ARHGEF6: variants seen among roughly 807,000 people sequenced by gnomAD.
ARHGEF6 encodes the protein Rac/Cdc42 guanine nucleotide exchange factor 6, also known as rho guanine nucleotide exchange factor 6.
Under a neutral mutation model 70.3 loss-of-function variants are expected in ARHGEF6, and 9 were observed. The ratio of observed to expected loss-of-function variants is 0.13; its 90% confidence interval spans 0.08 to 0.22. The LOEUF is 0.22. Among genes scored for constraint, ARHGEF6 ranks in the 10% least tolerant of loss-of-function variants. The probability of loss-of-function intolerance (pLI) is 1.00; values close to 1 mark genes in which losing one functional copy is unlikely to be tolerated. For synonymous variants in ARHGEF6, 201 were observed against 207.8 expected, an observed-to-expected ratio of 0.97 and a Z score of 0.28; for missense variants, 470 against 563.0, an observed-to-expected ratio of 0.83 and a Z score of 1.67.
At chrX:136,671,665 C>T (rs916342243) in intron 20 of ARHGEF6, among the ~76,000 whole-genome samples, 1 of 112,166 alleles carries the variant, frequency 8.9e-6, no homozygotes, top group African/African-American at 3.2e-5. Flanking sequence ...GGCATCTCTC[C>T]GGGCAAGGAA....
chrX:136,681,743 T>A, intron 14 of ARHGEF6, 147 bp downstream of exon 14: 1 of 490,770 alleles, frequency 2.0e-6, no homozygotes, highest in Non-Finnish European at 3.6e-6. Flanking sequence ...ACCCTAATTA[T>A]CCCAGGAAAT....
At chrX:136,738,316 C>A (rs2077008095) in intron 5 of ARHGEF6, among the ~76,000 whole-genome samples, 1 of 111,462 alleles carries the variant, frequency 9.0e-6, no homozygotes, top group South Asian at 3.8e-4. Context: ...CAAAACAGTT[C>A]ATCATCTTCA....
At chrX:136,755,794 A>G (rs2077199749) in intron 2 of ARHGEF6, among the ~76,000 whole-genome samples, 1 of 112,022 alleles carries the variant, frequency 8.9e-6, no homozygotes, top group Non-Finnish European at 1.9e-5. Flanking sequence ...GCAGGTACTG[A>G]GATTAGTCCT....
chrX:136,674,127 A>G (rs2076254402), intron 19 of ARHGEF6, among the ~76,000 whole-genome samples: 1 of 112,316 alleles, frequency 8.9e-6, no homozygotes. Context: ...TTGGCCTCCC[A>G]AAGTGCTGGA....
chrX:136,731,109 A>G (rs1464741432), intron 6 of ARHGEF6, among the ~76,000 whole-genome samples: 1 of 112,427 alleles, frequency 8.9e-6, no homozygotes, highest in Non-Finnish European at 1.9e-5. Context: ...AAAAGATATT[A>G]ACAAAATAGT....
At chrX:136,713,161 C>A in intron 7 of ARHGEF6, 115 bp downstream of exon 7, 1 of 622,125 alleles carries the variant, frequency 1.6e-6, no homozygotes, top group South Asian at 2.3e-5. Context: ...AACCTGTGAT[C>A]TGTGGAAATT....
At chrX:136,723,206 G>A (rs1370493569) in intron 6 of ARHGEF6, among the ~76,000 whole-genome samples, 1 of 112,173 alleles carries the variant, frequency 8.9e-6, no homozygotes, top group Non-Finnish European at 1.9e-5. Flanking sequence ...TGATAACAAT[G>A]TTGTGAAATT....
At chrX:136,703,980 T>G (rs757701764) in intron 9 of ARHGEF6, among the ~76,000 whole-genome samples, 1 of 112,905 alleles carries the variant, frequency 8.9e-6, no homozygotes, top group Non-Finnish European at 1.9e-5. Context: ...TTCACTTCAC[T>G]GTAGTGGTTT....
At chrX:136,703,067 G>A (rs2076591884) in intron 9 of ARHGEF6, among the ~76,000 whole-genome samples, 1 of 111,202 alleles carries the variant, frequency 9.0e-6, no homozygotes, top group Admixed American at 9.6e-5. Context: ...GGAACCATAT[G>A]CACAAATTAA....
chrX:136,686,709 CATATAT>C (rs35706788), intron 11 of ARHGEF6, among the ~76,000 whole-genome samples: 146 of 63,118 alleles, frequency 2.3e-3, no homozygotes, highest in African/African-American at 7.3e-3. Flanking sequence ...TATATATATA[CATATAT>C]ATATATATAT....
chrX:136,723,449 G>A (rs756310489), intron 6 of ARHGEF6, among the ~76,000 whole-genome samples: 1 of 111,798 alleles, frequency 8.9e-6, no homozygotes, highest in Admixed American at 9.5e-5. Flanking sequence ...CATCATGATA[G>A]CTCTTTGTCC....
chrX:136,686,681 C>CAT (rs746889104), intron 11 of ARHGEF6, among the ~76,000 whole-genome samples: 88 of 56,390 alleles, frequency 1.6e-3, no homozygotes, highest in Non-Finnish European at 2.3e-3. Context: ...TATATATACA[C>CAT]ATATATATAT....
chrX:136,753,873 G>A (rs1398894044), intron 2 of ARHGEF6, among the ~76,000 whole-genome samples: 1 of 112,256 alleles, frequency 8.9e-6, no homozygotes, highest in East Asian at 2.8e-4. Context: ...TGCTGCCACT[G>A]CATCGTGGCA....
intron 2 of ARHGEF6, among the ~76,000 whole-genome samples, chrX:136,750,987 GT>G (rs1436852522): frequency 9.1e-6 from 1 of 109,756 alleles, no homozygotes; most frequent in Non-Finnish European, 1.9e-5. Flanking sequence ...TTGTTTGTTT[GT>G]TTGTTTTTGT....
chrX:136,780,917 G>T lies in ARHGEF6; in HGVS notation c.-35C>A. 8.3e-7 allele frequency: 1 copy of T among 1,210,264 alleles called. No homozygotes were observed. On this transcript the variant is annotated 5_prime_UTR_variant, in exon 1 of 22. Coordinates refer to ENST00000250617, the MANE Select transcript of ARHGEF6 (RefSeq NM_004840.3). ...CGGTACACTCCAAACAGCACTCTGGGGCAGCTGCAAGGACTAAGCCACATC... is the reference window on the plus strand; with the variant it reads ...CGGTACACTCCAAACAGCACTCTGGTGCAGCTGCAAGGACTAAGCCACATC...
intron 2 of ARHGEF6, among the ~76,000 whole-genome samples, chrX:136,765,012 G>A (rs776656711): frequency 1.8e-5 from 2 of 111,802 alleles, no homozygotes; most frequent in Non-Finnish European, 3.8e-5. Flanking sequence ...CAAGGCAAAG[G>A]GAATGAGTTC....
rs775186031 is a variant in ARHGEF6 at position 136,667,894 on chromosome X, GAAGA to G, written c.*131_*134del. 2.0e-4 allele frequency: 170 copies of G among 851,249 alleles called. 1 individual carries two copies. The African/African-American group carries it at 3.1e-3, about 15-fold the overall frequency. The allele number at this position is 851,249 out of a possible 1,213,427, so 70.2% of individuals were successfully genotyped here. A position where few individuals can be genotyped will look rare whatever the true frequency, so the allele number is the denominator to read the frequency against. ...TATGCACACAGCGGGGAGAGAAAGA[GAAGA>G]GAGAGGGAGAGAGAGAGAGAGACTC... On this transcript the variant is annotated 3_prime_UTR_variant, in exon 22 of 22. Transcript: ENST00000250617.
chrX:136,682,996 A>G, intron 12 of ARHGEF6, 152 bp from the exon 13 acceptor site: 1 of 472,518 alleles, frequency 2.1e-6, no homozygotes. Context: ...CCAACTTGAA[A>G]ACACAAAACT....
chrX:136,708,381 TA>T (rs1349098146), intron 8 of ARHGEF6, among the ~76,000 whole-genome samples: 2,368 of 95,687 alleles, frequency 0.025, 49 homozygotes, highest in African/African-American at 0.066. Flanking sequence ...TAAGGAACAT[TA>T]AAAAAAAAAA....
Sources: allele counts gnomAD v4.1 joint callset (sites outside exome capture counted in the v4.1 genomes callset), GRCh38; gene constraint gnomAD v4.1.1; transcripts MANE v1.5; gene names NCBI Gene and HGNC (gene_info 2026-07-23, HGNC 2026-07-21).